The following ERG variants were observed in gnomAD, a reference collection of about 807,000 sequenced individuals.
ERG encodes ETS transcription factor ERG.
Under a neutral mutation model 55.3 loss-of-function variants are expected in ERG, and 9 were observed. The observed-to-expected ratio is 0.16, with a 90% CI of 0.10 to 0.28. The LOEUF (loss-of-function observed/expected upper bound fraction) is 0.28, where lower values mean the gene tolerates loss of function less well. ERG is among the 10% of genes least tolerant of loss of function. The probability of loss-of-function intolerance (pLI) is 1.00; values close to 1 mark genes in which losing one functional copy is unlikely to be tolerated. For missense variants in ERG, 434 were observed against 631.6 expected, an observed-to-expected ratio of 0.69 and a Z score of 3.35; for synonymous variants, 223 against 237.3, an observed-to-expected ratio of 0.94 and a Z score of 0.55.
At chr21:38,487,267 A>G (rs2212931) in intron 1 of ERG, among the ~76,000 whole-genome samples, 48,117 of 151,958 alleles carry the variant, frequency 0.32, 9,117 homozygotes, top group Non-Finnish European at 0.42. Flanking sequence ...TCAAAAAAGA[A>G]TCGAGTATTC....
intron 1 of ERG, among the ~76,000 whole-genome samples, chr21:38,615,681 T>G (rs2060254770): frequency 6.7e-6 from 1 of 150,234 alleles, no homozygotes; most frequent in Admixed American, 6.7e-5. Context: ...ATTATTAGAG[T>G]GATTATTATT....
intron 1 of ERG, among the ~76,000 whole-genome samples, chr21:38,477,158 C>T (rs552954984): frequency 9.2e-5 from 14 of 151,962 alleles, no homozygotes; most frequent in Admixed American, 4.6e-4. Context: ...GGACCGCAGG[C>T]GAAGGCCACC....
chr21:38,415,303 T>A (rs1402934838), intron 3 of ERG, among the ~76,000 whole-genome samples: 1 of 152,232 alleles, frequency 6.6e-6, no homozygotes, highest in Admixed American at 6.5e-5. Context: ...AATGAGATAA[T>A]GCCTTTTCTA....
chr21:38,431,733 G>A (rs900342399), intron 2 of ERG, among the ~76,000 whole-genome samples: 2 of 152,188 alleles, frequency 1.3e-5, no homozygotes, highest in Non-Finnish European at 2.9e-5. Context: ...CTCTCCCTGG[G>A]TTAAGCTTTG....
chr21:38,601,516 G>A (rs1043122366), intron 1 of ERG, among the ~76,000 whole-genome samples: 4 of 152,168 alleles, frequency 2.6e-5, no homozygotes, highest in Non-Finnish European at 5.9e-5. Context: ...GCTAGCCAGA[G>A]AAACAGGGGA....
At chr21:38,570,590 T>G (rs2059951609) in intron 2 of ERG, among the ~76,000 whole-genome samples, 1 of 152,206 alleles carries the variant, frequency 6.6e-6, no homozygotes, top group African/African-American at 2.4e-5. Context: ...CTAAATGTAC[T>G]AACTCGTTTA....
chr21:38,579,813 G>A (rs1328408055), intron 1 of ERG, among the ~76,000 whole-genome samples: 1 of 144,376 alleles, frequency 6.9e-6, no homozygotes, highest in African/African-American at 2.5e-5. Context: ...CAACCCACAC[G>A]GATCTCTGAC....
At chr21:38,596,858 T>C (rs898697511) in intron 1 of ERG, among the ~76,000 whole-genome samples, 2 of 152,160 alleles carry the variant, frequency 1.3e-5, no homozygotes, top group African/African-American at 4.8e-5. Context: ...GTTTAAGGCA[T>C]GGGGTGGACC....
chr21:38,458,803 T>C (rs1200298789), intron 1 of ERG, among the ~76,000 whole-genome samples: 1 of 152,082 alleles, frequency 6.6e-6, no homozygotes, highest in African/African-American at 2.4e-5. Context: ...CTTTAACAGA[T>C]TCTCATCTCC....
intron 3 of ERG, 138 bp from the exon 4 acceptor site, chr21:38,403,847 G>C (rs576166002): frequency 1.4e-6 from 1 of 738,212 alleles, no homozygotes; most frequent in Non-Finnish European, 2.3e-6. Flanking sequence ...TGGCTACCCA[G>C]GAGAACATTT....
intron 3 of ERG, among the ~76,000 whole-genome samples, chr21:38,409,928 TA>T (rs1369779416): frequency 6.6e-6 from 1 of 152,214 alleles, no homozygotes; most frequent in Non-Finnish European, 1.5e-5. Flanking sequence ...GTGATGAAAA[TA>T]AAAGGCTTTA....
chr21:38,403,287 G>A (rs1224954621), intron 4 of ERG, among the ~76,000 whole-genome samples: 1 of 152,114 alleles, frequency 6.6e-6, no homozygotes, highest in Non-Finnish European at 1.5e-5. Flanking sequence ...GTGAATTTTG[G>A]CTTCTCCTGA....
At chr21:38,454,535 A>G (rs191772904) in intron 1 of ERG, among the ~76,000 whole-genome samples, 1 of 152,132 alleles carries the variant, frequency 6.6e-6, no homozygotes, top group African/African-American at 2.4e-5. Context: ...AATTTCTTCA[A>G]CTATAAAGGT....
At chr21:38,538,062 G>T (rs558244805) in intron 2 of ERG, among the ~76,000 whole-genome samples, 1 of 152,180 alleles carries the variant, frequency 6.6e-6, no homozygotes, top group Admixed American at 6.5e-5. Context: ...AGAGAAATAA[G>T]CCATCCACAA....
intron 2 of ERG, among the ~76,000 whole-genome samples, chr21:38,426,547 T>C (rs970092534): frequency 6.6e-6 from 1 of 152,202 alleles, no homozygotes; most frequent in Non-Finnish European, 1.5e-5. Flanking sequence ...TGTTATCAAG[T>C]GCCGGCCGTA....
rs1489753369 is a variant in ERG at position 38,596,860 on chromosome 21, G to A, written c.-149-11915C>T. Among the ~76,000 whole-genome samples, 7 of 152,252 alleles carry A rather than the reference G, an allele frequency of 4.6e-5. No individual in the cohort carries two copies. In the South Asian group the frequency reaches 1.5e-3, roughly 32 times the overall value. On this transcript the variant is annotated intron_variant, in intron 1 of 10. Coordinates refer to the ERG transcript ENST00000398910. ...TCCCCACAGTGGTGTTTAAGGCATG[G>A]GGTGGACCAACACCAGGAAGACTCA...
At chr21:38,397,683 T>A (rs987673831) in intron 6 of ERG, among the ~76,000 whole-genome samples, 36 of 149,496 alleles carry the variant, frequency 2.4e-4, no homozygotes, top group African/African-American at 8.9e-4. Context: ...GATGGGTGAC[T>A]CACAGTGGGA....
chr21:38,391,223 G>A (rs973718936), intron 8 of ERG, among the ~76,000 whole-genome samples, 181 bp from the exon 9 acceptor site: 1 of 152,156 alleles, frequency 6.6e-6, no homozygotes, highest in African/African-American at 2.4e-5. Context: ...CATCTCAGAT[G>A]TCTTGCTAGG....
intron 2 of ERG, among the ~76,000 whole-genome samples, chr21:38,504,324 C>T (rs1367553032): frequency 1.3e-5 from 2 of 152,188 alleles, no homozygotes; most frequent in African/African-American, 4.8e-5. Context: ...AAGCATCCCA[C>T]ACGTTCTCAA....
Sources: gnomAD v4.1 joint callset for allele counts (sites outside exome capture counted in the v4.1 genomes callset) on GRCh38, gnomAD v4.1.1 for gene constraint, MANE v1.5 for transcripts, NCBI Gene and HGNC (gene_info 2026-07-23, HGNC 2026-07-21) for gene names.